STXBP5: variants seen among roughly 807,000 people sequenced by gnomAD.
The protein encoded by STXBP5 is syntaxin binding protein 5, also known as syntaxin-binding protein 5.
In STXBP5, 50 loss-of-function variants were observed where a neutral mutation model predicts 152.4. The ratio of observed to expected loss-of-function variants is 0.33; its 90% CI spans 0.26 to 0.42. The LOEUF (loss-of-function observed/expected upper bound fraction) is 0.42, where lower values mean the gene tolerates loss of function less well. Ranked by LOEUF, STXBP5 falls within the 10% of genes least tolerant of loss-of-function variation. The pLI, the probability that STXBP5 is intolerant of heterozygous loss-of-function variation, is 1.00. For synonymous variants in STXBP5, 492 were observed against 494.7 expected (o/e 0.99, Z 0.07); for missense variants, 1,167 against 1,388.6 (o/e 0.84, Z 2.54).
intron 4 of STXBP5, among the ~76,000 whole-genome samples, chr6:147,247,390 A>G (rs897994763): frequency 6.6e-6 from 1 of 152,154 alleles, no homozygotes; most frequent in South Asian, 2.1e-4. Flanking sequence ...GGGATCTGCT[A>G]CTCTGGACCT....
rs760737692 is a variant in STXBP5 at position 147,342,858 on chromosome 6, A to T, written c.2254+3474A>T. ...CATTGTTTGATAAATTTGAAACTACATGATTAACCTTTTCTAAAGATTATT... is the reference window on the plus strand; with the variant it reads ...CATTGTTTGATAAATTTGAAACTACTTGATTAACCTTTTCTAAAGATTATT... On this transcript the variant is annotated intron_variant, in intron 21 of 27. Transcript: ENST00000321680. 2.6e-5 allele frequency among the ~76,000 whole-genome samples: 4 copies of T among 152,274 alleles called. No individual in the cohort carries two copies. The East Asian group carries it at 7.7e-4, about 29-fold the overall frequency.
chr6:147,301,568 T>A (rs1366379327), intron 9 of STXBP5, among the ~76,000 whole-genome samples: 1 of 152,206 alleles, frequency 6.6e-6, no homozygotes, highest in Non-Finnish European at 1.5e-5. Context: ...GCTTTATCAC[T>A]GTCTTCAGAA....
intron 4 of STXBP5, among the ~76,000 whole-genome samples, chr6:147,248,149 G>A (rs1483482684): frequency 2.0e-5 from 3 of 151,900 alleles, no homozygotes; most frequent in Admixed American, 2.0e-4. Flanking sequence ...GCGTGGAAGT[G>A]GGCACCTGTA....
At chr6:147,222,380 G>C (rs1777503938) in intron 2 of STXBP5, among the ~76,000 whole-genome samples, 1 of 152,108 alleles carries the variant, frequency 6.6e-6, no homozygotes, top group African/African-American at 2.4e-5. Context: ...TAATGGTGTG[G>C]GGGGAAGGGA....
intron 2 of STXBP5, among the ~76,000 whole-genome samples, chr6:147,221,484 C>G (rs963745849): frequency 6.6e-6 from 1 of 151,092 alleles, no homozygotes; most frequent in Non-Finnish European, 1.5e-5. Flanking sequence ...TTTGTTTGAG[C>G]AAGTTTTCAT....
intron 2 of STXBP5, among the ~76,000 whole-genome samples, chr6:147,206,302 G>GT (rs1384577174): frequency 6.6e-6 from 1 of 152,100 alleles, no homozygotes. Context: ...GAGGTCTAAA[G>GT]TTTTTTTATG....
chr6:147,337,141 T>C (rs77664360), intron 19 of STXBP5, among the ~76,000 whole-genome samples: 1 of 150,502 alleles, frequency 6.6e-6, no homozygotes, highest in African/African-American at 2.5e-5. Context: ...TTAGTATTAT[T>C]GGAATTTTTT....
At chr6:147,320,997 T>G (rs1478779693) in intron 16 of STXBP5, among the ~76,000 whole-genome samples, 2 of 152,158 alleles carry the variant, frequency 1.3e-5, no homozygotes, top group African/African-American at 4.8e-5. Flanking sequence ...GACCAATTTT[T>G]GGAGACAGAG....
chr6:147,265,478 A>T (rs1047293708), intron 6 of STXBP5, among the ~76,000 whole-genome samples: 3 of 152,136 alleles, frequency 2.0e-5, no homozygotes, highest in Non-Finnish European at 2.9e-5. Context: ...ATGAAAATGC[A>T]TGGTACTAGT....
intron 16 of STXBP5, among the ~76,000 whole-genome samples, chr6:147,320,753 T>C (rs1782896248): frequency 6.6e-6 from 1 of 152,172 alleles, no homozygotes; most frequent in South Asian, 2.1e-4. Context: ...TATTGATTTT[T>C]AAAACTAGAA....
intron 2 of STXBP5, among the ~76,000 whole-genome samples, chr6:147,228,571 CTTCTT>C (rs767893494): frequency 1.3e-5 from 2 of 151,988 alleles, no homozygotes; most frequent in Admixed American, 6.6e-5. Flanking sequence ...GATACTTTCT[CTTCTT>C]CTTTTCCTTT....
Position 147,363,674 on chromosome 6 carries a change from T to G in STXBP5, c.2885T>G (p.Phe962Cys), listed in dbSNP as rs1785166736. ...ALSNSICLAC[F>C]CANGHIMTFS... Reference sequence around the variant, plus strand: ...AGTAACAGTATCTGCCTTGCCTGTTTCTGTGCCAATGGACATATAATGACT... The same window carrying G: ...AGTAACAGTATCTGCCTTGCCTGTTGCTGTGCCAATGGACATATAATGACT... The change falls in exon 24 of 28, where the codon TTC (phenylalanine) becomes TGC (cysteine). Residue 962 changes from phenylalanine (F) to cysteine (C), a missense_variant. Physicochemically the swap from Phe to Cys is radical, Grantham distance 205. Coordinates refer to ENST00000321680, the MANE Select transcript of STXBP5 (RefSeq NM_001127715.4). The G allele has an allele frequency of 1.2e-6, 2 of 1,613,194 alleles. No homozygotes were observed. The highest frequency in any genetic ancestry group is 8.5e-7 in the Non-Finnish European group (1 of 1,179,738).
rs533055297 is a variant in STXBP5 at position 147,354,748 on chromosome 6, G to A, written c.2305+1375G>A. 3.3e-5 allele frequency among the ~76,000 whole-genome samples: 5 copies of A among 152,226 alleles called. No individual in the cohort carries two copies. In the South Asian group the frequency reaches 1.0e-3, roughly 32 times the overall value. On this transcript the variant is annotated intron_variant, in intron 22 of 27. Coordinates refer to ENST00000321680, the MANE Select transcript of STXBP5 (RefSeq NM_001127715.4). ...CATGTAAGTAATTTAATTAAAGTAT[G>A]TACTCCATGCTTTCATAGATTATTC...
intron 19 of STXBP5, among the ~76,000 whole-genome samples, chr6:147,335,612 A>G (rs1353708535): frequency 2.6e-5 from 4 of 152,150 alleles, no homozygotes; most frequent in African/African-American, 4.8e-5. Context: ...ATATTTGTAG[A>G]TAAGTATATA....
At chr6:147,333,443 G>T (rs138284139) in intron 18 of STXBP5, among the ~76,000 whole-genome samples, 6 of 152,304 alleles carry the variant, frequency 3.9e-5, no homozygotes, top group African/African-American at 1.4e-4. Flanking sequence ...AGAATCGCTT[G>T]AACCCAGGAT....
intron 6 of STXBP5, among the ~76,000 whole-genome samples, chr6:147,264,512 C>G (rs1472163504): frequency 6.6e-6 from 1 of 151,982 alleles, no homozygotes; most frequent in Non-Finnish European, 1.5e-5. Context: ...ATTTGAAGAC[C>G]AATTTCTTTA....
At chr6:147,225,651 C>CAATTATGAA (rs1777673042) in intron 2 of STXBP5, among the ~76,000 whole-genome samples, 2 of 152,156 alleles carry the variant, frequency 1.3e-5, no homozygotes, top group South Asian at 4.1e-4. Flanking sequence ...CAGACATTTT[C>CAATTATGAA]ATAATACACA....
intron 4 of STXBP5, among the ~76,000 whole-genome samples, chr6:147,244,853 C>T (rs1778729766): frequency 6.6e-6 from 1 of 152,036 alleles, no homozygotes; most frequent in Admixed American, 6.6e-5. Flanking sequence ...TTTTTACTCC[C>T]CTGTGTGAAA....
In STXBP5 at chr6:147,363,646, T is replaced by C. The variant is rs1198438687; in HGVS notation, c.2857T>C (p.Leu953=). 39 of 1,614,012 alleles carry C rather than the reference T, an allele frequency of 2.4e-5. No homozygotes were observed. The highest frequency in any genetic ancestry group is 3.3e-5 in the Non-Finnish European group (39 of 1,180,014). The change falls in exon 24 of 28, where the codon TTG becomes CTG. Residue 953 remains leucine (L), a synonymous_variant. Coordinates refer to ENST00000321680, the MANE Select transcript of STXBP5 (RefSeq NM_001127715.4). The part of the protein sequence containing the change: ...SFVLRGDIVA[L]SNSICLACFC... ...TGTGCTTCGTGGAGATATTGTAGCA[T>C]TGAGTAACAGTATCTGCCTTGCCTG...
Sources: allele counts gnomAD v4.1 joint callset (sites outside exome capture counted in the v4.1 genomes callset), GRCh38; gene constraint gnomAD v4.1.1; transcripts MANE v1.5; gene names NCBI Gene and HGNC (gene_info 2026-07-23, HGNC 2026-07-21).